The following ITGB5 variants were observed in gnomAD, a reference collection of about 807,000 sequenced individuals.
ITGB5 encodes integrin beta-5.
Under a neutral mutation model 84.8 loss-of-function variants are expected in ITGB5, and 38 were observed. That is an observed-to-expected ratio of 0.45 (90% CI 0.35 to 0.59). The LOEUF is 0.59. Among genes scored for constraint, ITGB5 ranks in the 20% least tolerant of loss-of-function variants. The pLI, the probability that ITGB5 is intolerant of heterozygous loss-of-function variation, is 0.01. For synonymous variants in ITGB5, 393 were observed against 414.4 expected (o/e 0.95, Z 0.63); for missense variants, 905 against 1,034.5 (o/e 0.87, Z 1.72).
intron 5 of ITGB5, among the ~76,000 whole-genome samples, chr3:124,837,858 G>A (rs1358420495): frequency 2.0e-5 from 3 of 152,224 alleles, no homozygotes; most frequent in Admixed American, 6.5e-5. Flanking sequence ...AGGGTCAGGG[G>A]AAGTAGAGCG....
chr3:124,806,323 T>C (rs1337460587), intron 9 of ITGB5, among the ~76,000 whole-genome samples: 3 of 152,050 alleles, frequency 2.0e-5, no homozygotes, highest in Admixed American at 1.3e-4. Context: ...TCCCACATTA[T>C]CCTTCAGCTT....
intron 10 of ITGB5, among the ~76,000 whole-genome samples, chr3:124,785,338 C>T (rs2064065167): frequency 1.3e-5 from 2 of 151,768 alleles, no homozygotes; most frequent in Admixed American, 1.3e-4. Context: ...AATCCCAGCA[C>T]TTTGGGAGGC....
Position 124,763,675 on chromosome 3 carries a change from A to G in ITGB5, c.2348T>C (p.Val783Ala). 6.2e-7 allele frequency: 1 copy of G among 1,611,216 alleles called. No individual in the cohort carries two copies. The stretch of plus-strand genomic sequence containing the variant: ...GTTGAACTTGTTGAAGGTGAAGTCC[A>G]CAGTGTGCGTGGAGATAGGCTTTCT... ...LYRKPISTHTVDFTFNKFNKS... is the reference protein window; with the variant it reads ...LYRKPISTHTADFTFNKFNKS... The change falls in exon 15 of 15, where the codon GTG becomes GCG. Residue 783 changes from valine (V) to alanine (A), a missense_variant. By Grantham distance (64) the Val-to-Ala change is moderately conservative. This residue lies in a region of ITGB5 where 133 missense variants were observed against 122.8 expected (regional missense o/e 1.08). Transcript: ENST00000296181.
intron 1 of ITGB5, among the ~76,000 whole-genome samples, chr3:124,899,056 T>TA (rs1022248266): frequency 1.1e-4 from 16 of 147,268 alleles, no homozygotes; most frequent in African/African-American, 4.0e-4. Flanking sequence ...GCCTGGGTGA[T>TA]AAGAGTGAGA....
intron 11 of ITGB5, among the ~76,000 whole-genome samples, chr3:124,771,399 A>T (rs1184278955): frequency 6.6e-6 from 1 of 152,212 alleles, no homozygotes; most frequent in Non-Finnish European, 1.5e-5. Flanking sequence ...AAGAAAAAAA[A>T]GTTCCACCTA....
intron 8 of ITGB5, among the ~76,000 whole-genome samples, chr3:124,816,014 A>G (rs2064585051): frequency 6.6e-6 from 1 of 152,178 alleles, no homozygotes; most frequent in Admixed American, 6.5e-5. Context: ...GGGGTAGGAG[A>G]GAAGGAAGTC....
intron 8 of ITGB5, 115 bp downstream of exon 8, chr3:124,817,506 C>G: frequency 1.7e-6 from 1 of 588,584 alleles, no homozygotes; most frequent in Non-Finnish European, 3.0e-6. Flanking sequence ...GATGGGGGAG[C>G]AGAGCCAAGA....
intron 10 of ITGB5, 131 bp downstream of exon 10, chr3:124,796,257 A>G (rs951329628): frequency 2.4e-6 from 2 of 846,606 alleles, no homozygotes; most frequent in African/African-American, 1.7e-5. Flanking sequence ...AGGCTTGCCC[A>G]CTGTCTTCTC....
Position 124,821,927 on chromosome 3 carries a change from T to TCC in ITGB5, c.781-455_781-454dup, listed in dbSNP as rs145788378. 5.5e-4 allele frequency among the ~76,000 whole-genome samples: 84 copies of TCC among 152,148 alleles called. 2 individuals carry two copies. The South Asian group carries it at 0.016, about 30-fold the overall frequency. On this transcript the variant is annotated intron_variant, in intron 5 of 14. Transcript: ENST00000296181. The stretch of plus-strand genomic sequence containing the variant: ...TAAGATGATGGTTAAGATTGTTAAG[T>TCC]CCCCCCATTAGACCTGAGTCAATCA...
At chr3:124,882,862 G>A (rs1934636194) in intron 1 of ITGB5, among the ~76,000 whole-genome samples, 1 of 152,212 alleles carries the variant, frequency 6.6e-6, no homozygotes, top group Non-Finnish European at 1.5e-5. Context: ...TCAGCCTTAG[G>A]GGATGAGTCA....
intron 6 of ITGB5, 107 bp from the exon 7 acceptor site, chr3:124,819,941 T>C (rs2064674906): frequency 1.2e-6 from 1 of 828,642 alleles, no homozygotes. Context: ...GGAAGCACCT[T>C]TTCCTTAGGT....
chr3:124,855,820 C>A (rs925690986), intron 3 of ITGB5, among the ~76,000 whole-genome samples: 3 of 152,192 alleles, frequency 2.0e-5, no homozygotes, highest in Non-Finnish European at 4.4e-5. Flanking sequence ...TACCAGAAAT[C>A]ATATCATAAT....
chr3:124,853,325 T>C (rs143238699), intron 3 of ITGB5, among the ~76,000 whole-genome samples: 23 of 152,334 alleles, frequency 1.5e-4, no homozygotes, highest in Non-Finnish European at 2.9e-4. Context: ...AGGCACTTAG[T>C]ATCCCAGGAT....
At position 124,848,533 on chromosome 3, in the gene ITGB5, C is replaced by T. The variant is rs2065108570; in HGVS notation, c.387G>A (p.Gln129=). ...RPGDKTTFQL[Q]VRQVEDYPVD... is the part of the protein sequence containing the mutation. ...CAGGATAGTCCTCCACCTGGCGAAC[C>T]TGTAGCTGGAAGGTGGTCTTGTCAC... The change falls in exon 4 of 15, where the codon CAG becomes CAA. Residue 129 remains glutamine (Q), a synonymous_variant. Coordinates refer to ENST00000296181, the MANE Select transcript of ITGB5 (RefSeq NM_002213.5). 1 of 1,613,276 alleles carries T rather than the reference C, an allele frequency of 6.2e-7. No individual in the cohort carries two copies. The highest frequency in any genetic ancestry group is 1.1e-5 in the South Asian group (1 of 91,058).
At chr3:124,814,320 G>A (rs2064552420) in intron 8 of ITGB5, among the ~76,000 whole-genome samples, 1 of 151,762 alleles carries the variant, frequency 6.6e-6, no homozygotes, top group Non-Finnish European at 1.5e-5. Flanking sequence ...ATTATCAAGG[G>A]TCACTTTTTG....
chr3:124,840,702 T>A (rs992939288), intron 5 of ITGB5, among the ~76,000 whole-genome samples: 2 of 151,840 alleles, frequency 1.3e-5, no homozygotes, highest in Non-Finnish European at 2.9e-5. Flanking sequence ...TCTCACACTG[T>A]CGCCCAGGCT....
At position 124,796,465 on chromosome 3, in the gene ITGB5, T is replaced by C. The variant is rs781109224; in HGVS notation, c.1616A>G (p.Glu539Gly). The C allele has an allele frequency of 1.2e-6, 2 of 1,614,162 alleles. No homozygotes were observed. The highest frequency in any genetic ancestry group is 1.7e-6 in the Non-Finnish European group (2 of 1,180,026). ...GAAAGGCCCATAGATCTTGCCAAAC[T>C]CGCTCTCGAAGCAGGAGCACTGGTT... is the stretch of plus-strand genomic sequence containing the variant. ...SCNQCSCFES[E>G]FGKIYGPFCE... Residue 539 changes from glutamate (E) to glycine (G), a missense_variant, in exon 10 of 15, where the codon GAG (glutamate) becomes GGG (glycine). This residue lies in a region of ITGB5 where 656 missense variants were observed against 734.7 expected (regional missense o/e 0.89). Coordinates refer to ENST00000296181, the MANE Select transcript of ITGB5 (RefSeq NM_002213.5).
chr3:124,776,648 C>T lies in ITGB5; in HGVS notation c.1694-2736G>A, dbSNP rs116625098. ...ATGCACTCCAAGGGTAGACTTAATA[C>T]GGCTCTGGCACTCTCTGATGGCTTG... is the stretch of plus-strand genomic sequence containing the variant. On this transcript the variant is annotated intron_variant, in intron 10 of 14. Coordinates refer to ENST00000296181, the MANE Select transcript of ITGB5 (RefSeq NM_002213.5). Among the ~76,000 whole-genome samples the T allele has an allele frequency of 2.5e-3, 376 of 152,304 alleles. 5 individuals carry two copies. Among genetic ancestry groups the T allele is most frequent in the African/African-American group, 8.5e-3 (352 of 41,570 alleles).
intron 10 of ITGB5, among the ~76,000 whole-genome samples, chr3:124,781,587 C>A (rs192714861): frequency 2.6e-5 from 4 of 152,266 alleles, no homozygotes; most frequent in African/African-American, 9.6e-5. Flanking sequence ...TCAGTAGCAA[C>A]TAAATAAATC....
Sources: allele counts gnomAD v4.1 joint callset (sites outside exome capture counted in the v4.1 genomes callset), GRCh38; gene constraint gnomAD v4.1.1; regional missense constraint gnomAD v4.1.1; transcripts MANE v1.5; gene names NCBI Gene and HGNC (gene_info 2026-07-23, HGNC 2026-07-21).